Variants in APOL1 observed in about 807,000 individuals in gnomAD.
APOL1 encodes apolipoprotein L 1.
A neutral mutation model predicts 14.9 loss-of-function variants in APOL1; 17 were observed. That is an observed-to-expected ratio of 1.14 (90% CI 0.78 to 1.71). The LOEUF is 1.71. APOL1 is among the 40% of genes most tolerant of loss of function. The probability of loss-of-function intolerance (pLI) is 0.00; values close to 1 mark genes in which losing one functional copy is unlikely to be tolerated. For synonymous variants in APOL1, 195 were observed against 184.8 expected (o/e 1.05, Z -0.45); for missense variants, 523 against 485.9 (o/e 1.08, Z -0.72).
At chr22:36,259,746 G>C in intron 4 of APOL1, 1 of 1,304,284 alleles carries the variant, frequency 7.7e-7, no homozygotes, top group Non-Finnish European at 1.0e-6. Context: ...GCAACATGGA[G>C]GTGCCTCAAG....
At chr22:36,253,819 C>T in intron 1 of APOL1, 3 of 981,468 alleles carry the variant, frequency 3.1e-6, no homozygotes, top group Admixed American at 2.0e-5. Context: ...CTGGCCCTCA[C>T]CTCTGTCCCT....
In APOL1 at chr22:36,265,908, C is replaced by T. The variant is rs750645120; in HGVS notation, c.1072C>T (p.His358Tyr). The T allele has an allele frequency of 5.6e-6, 9 of 1,614,022 alleles. No individual in the cohort carries two copies. The South Asian group carries it at 8.8e-5, about 16-fold the overall frequency. The change falls in exon 6 of 6, where the codon CAC becomes TAC. Residue 358 changes from histidine to tyrosine, a missense_variant. His to Tyr is a moderately conservative substitution (Grantham distance 83). Transcript: ENST00000397278. ...AGTCTACCTCGTGTACGAATCAAAG[C>T]ACTTACATGAGGGGGCAAAGTCAGA... ...DVVYLVYESK[H>Y]LHEGAKSETA... is the part of the protein sequence containing the mutation.
In APOL1 at chr22:36,261,679, A is replaced by G. The variant is rs1350780996; in HGVS notation, c.271A>G (p.Asn91Asp). Residue 91 changes from asparagine (N) to aspartate (D), a missense_variant, in exon 5 of 6, where the codon AAT becomes GAT. Transcript: ENST00000397278. The part of the protein sequence containing the change: ...TQNLLLLLTD[N>D]EAWNGFVAAA... The stretch of plus-strand genomic sequence containing the variant: ...GAATCTGCTACTCCTGCTGACTGAT[A>G]ATGAGGCCTGGAACGGATTCGTGGC... 3.7e-6 allele frequency: 6 copies of G among 1,613,996 alleles called. No homozygotes were observed. The highest frequency in any genetic ancestry group is 4.5e-5 in the East Asian group (2 of 44,888).
In APOL1 at chr22:36,254,948, G is replaced by A. The variant is rs1347251581; in HGVS notation, c.-8G>A. On this transcript the variant is annotated 5_prime_UTR_variant, in exon 2 of 6. Transcript: ENST00000397278. ...TTTTCCTGCTCAAGGAGGAGGCCCT[G>A]CAGCGACATGGAGGGAGCTGCTTTG... is the stretch of plus-strand genomic sequence containing the variant. The A allele has an allele frequency of 3.1e-6, 5 of 1,613,912 alleles. No homozygotes were observed. The East Asian group carries it at 1.1e-4, about 36-fold the overall frequency.
intron 1 of APOL1, chr22:36,253,873 G>A (rs2015769756): frequency 1.3e-6 from 2 of 1,504,724 alleles, no homozygotes; most frequent in Middle Eastern, 1.7e-4. Flanking sequence ...AGGCTGTGCT[G>A]TGTCCCTAAT....
chr22:36,264,798 G>T (rs1292212530), intron 5 of APOL1, among the ~76,000 whole-genome samples: 1 of 150,880 alleles, frequency 6.6e-6, no homozygotes, highest in Non-Finnish European at 1.5e-5. Context: ...CACAGACAGG[G>T]AAACTGCATT....
rs973661161 is a variant in APOL1 at position 36,257,053 on chromosome 22, T to C, written c.45-30T>C. 1.9e-6 allele frequency: 3 copies of C among 1,613,492 alleles called. No individual in the cohort carries two copies. In the African/African-American group the frequency reaches 4.0e-5, roughly 22 times the overall value. On this transcript the variant is annotated intron_variant, in intron 2 of 5. Transcript: ENST00000397278. ...GTAATGATCAGATGGCTGCCCGTCC[T>C]CTGATTATCTTCTCCTCATACCCCA...
At position 36,257,343 on chromosome 22, in the gene APOL1, G is replaced by A. The variant is rs774646849; in HGVS notation, c.123G>A (p.Gly41=). 1 of 1,614,184 alleles carries A rather than the reference G, an allele frequency of 6.2e-7. No homozygotes were observed. Among genetic ancestry groups the A allele is most frequent in the African/African-American group, 1.3e-5 (1 of 75,052 alleles). Residue 41 remains glycine, a synonymous_variant, in exon 4 of 6, where the codon GGG becomes GGA. Transcript: ENST00000397278. ...GARVQQNVPS[G]TDTGDPQSKP... is the part of the protein sequence containing the mutation. ...GGGTGCAACAAAACGTTCCAAGTGGGACAGATACTGGAGATCCTCAAAGTA... is the reference window on the plus strand; with the variant it reads ...GGGTGCAACAAAACGTTCCAAGTGGAACAGATACTGGAGATCCTCAAAGTA...
chr22:36,263,137 G>A (rs2016127537), intron 5 of APOL1, among the ~76,000 whole-genome samples: 1 of 152,226 alleles, frequency 6.6e-6, no homozygotes, highest in African/African-American at 2.4e-5. Context: ...AGTGAGACCT[G>A]GAAGGTTGGG....
intron 4 of APOL1, chr22:36,259,581 C>G: frequency 1.6e-6 from 2 of 1,220,244 alleles, no homozygotes; most frequent in Non-Finnish European, 2.1e-6. Context: ...AGCACTCAGC[C>G]GACCCCGGAA....
chr22:36,262,680 G>A (rs940548558), intron 5 of APOL1, among the ~76,000 whole-genome samples: 3 of 152,162 alleles, frequency 2.0e-5, no homozygotes, highest in South Asian at 4.1e-4. Context: ...GAGGACATGT[G>A]AGTGGGAGAG....
chr22:36,254,578 G>A (rs1470201634), intron 1 of APOL1, among the ~76,000 whole-genome samples: 2 of 152,032 alleles, frequency 1.3e-5, no homozygotes, highest in Non-Finnish European at 2.9e-5. Flanking sequence ...AAAACTAAAC[G>A]AAAGGCCGGG....
Position 36,261,537 on chromosome 22 carries a change from A to G in APOL1, c.188-59A>G. ...TTAACATGTAGTCATCTCTTATGCA[A>G]TGGCTGTTATGCACTCCCACACTTT... is the stretch of plus-strand genomic sequence containing the variant. On this transcript the variant is annotated intron_variant, in intron 4 of 5. Coordinates refer to ENST00000397278, the MANE Select transcript of APOL1 (RefSeq NM_003661.4). The G allele has an allele frequency of 8.4e-6, 13 of 1,539,174 alleles. 1 individual carries two copies. The South Asian group carries it at 1.5e-4, about 18-fold the overall frequency.
In APOL1 at chr22:36,265,553, AG is replaced by A; in HGVS notation, c.718del (p.Ala240ProfsTer12). The A allele has an allele frequency of 6.2e-7, 1 of 1,606,104 alleles. No individual in the cohort carries two copies. ...GAAAGAAGTGGTGGACACAAGCCCA[AG>A]CCCACGACCTGGTCATCAAAAGCCT... ...YGKKWWTQAQ[A>X]HDLVIKSLDK... On this transcript the variant is annotated frameshift_variant, in exon 6 of 6. Coordinates refer to ENST00000397278, the MANE Select transcript of APOL1 (RefSeq NM_003661.4). LOFTEE classifies it low-confidence loss of function (END_TRUNC).
At position 36,265,898 on chromosome 22, in the gene APOL1, C is replaced by T. The variant is rs760511001; in HGVS notation, c.1062C>T (p.Tyr354=). Reference sequence around the variant, plus strand: ...TGCTGGATGTAGTCTACCTCGTGTACGAATCAAAGCACTTACATGAGGGGG... The same window carrying T: ...TGCTGGATGTAGTCTACCTCGTGTATGAATCAAAGCACTTACATGAGGGGG... ...FLVLDVVYLV[Y]ESKHLHEGAK... is the part of the protein sequence containing the mutation. The change falls in exon 6 of 6, where the codon TAC becomes TAT. Residue 354 remains tyrosine (Y), a synonymous_variant. Transcript: ENST00000397278. 6.8e-6 allele frequency: 11 copies of T among 1,614,082 alleles called. No individual in the cohort carries two copies. Among genetic ancestry groups the T allele is most frequent in the South Asian group, 2.2e-5 (2 of 91,068 alleles).
At chr22:36,254,002 C>G (rs749368603) in intron 1 of APOL1, 8 of 1,613,818 alleles carry the variant, frequency 5.0e-6, no homozygotes, top group South Asian at 2.2e-5. Context: ...GTGAGTATAA[C>G]TACAGGAGTG....
chr22:36,266,845 C>A lies in APOL1; in HGVS notation c.*812C>A. The A allele has an allele frequency of 3.9e-6, 1 of 255,472 alleles. No individual in the cohort carries two copies. The allele number at this position is 255,472 out of a possible 1,614,324, so 15.8% of individuals were successfully genotyped here. ...GCGTGAACCTGGGAGGTGGAGCTTG[C>A]AGTGAGCCGAGATATCGCCACTGCA... On this transcript the variant is annotated 3_prime_UTR_variant, in exon 6 of 6. Coordinates refer to ENST00000397278, the MANE Select transcript of APOL1 (RefSeq NM_003661.4).
intron 4 of APOL1, 148 bp from the exon 5 acceptor site, chr22:36,261,448 C>G: frequency 1.2e-6 from 1 of 812,032 alleles, no homozygotes. Flanking sequence ...TGGGGGCACA[C>G]AATTCCCTCT....
intron 4 of APOL1, chr22:36,259,705 G>GT: frequency 7.7e-7 from 1 of 1,303,914 alleles, no homozygotes; most frequent in Non-Finnish European, 1.0e-6. Flanking sequence ...GGAGAGCCGT[G>GT]TACCCTGAGA....
Sources: allele counts gnomAD v4.1 joint callset (sites outside exome capture counted in the v4.1 genomes callset), GRCh38; gene constraint gnomAD v4.1.1; transcripts MANE v1.5; gene names NCBI Gene and HGNC (gene_info 2026-07-23, HGNC 2026-07-21).